The following UTP25 variants were observed in gnomAD, a reference collection of about 807,000 sequenced individuals.
The protein encoded by UTP25 is UTP25 small subunit processome component.
Under a neutral mutation model 78.9 loss-of-function variants are expected in UTP25, and 50 were observed. The observed-to-expected ratio is 0.63, with a 90% CI of 0.50 to 0.80. The LOEUF (loss-of-function observed/expected upper bound fraction) is 0.80. Ranked by LOEUF, UTP25 falls within the 30% of genes least tolerant of loss-of-function variation. UTP25 has a pLI of 0.00. For synonymous variants in UTP25, 329 were observed against 336.5 expected (o/e 0.98, Z 0.24); for missense variants, 846 against 911.3 (o/e 0.93, Z 0.92).
intron 10 of UTP25, 165 bp from the exon 11 acceptor site, chr1:209,843,286 C>A: frequency 1.3e-6 from 1 of 777,766 alleles, no homozygotes; most frequent in Non-Finnish European, 2.0e-6. Flanking sequence ...GTGTGCTTAT[C>A]AAGTTTTATC....
At chr1:209,834,166 A>C (rs1385171714) in intron 4 of UTP25, among the ~76,000 whole-genome samples, 2 of 152,268 alleles carry the variant, frequency 1.3e-5, no homozygotes, top group Non-Finnish European at 2.9e-5. Flanking sequence ...AGGAAACATT[A>C]GGAAGCTTGA....
rs1254960780 is a variant in UTP25, at chr1:209,837,061, A to G, written c.912A>G (p.Glu304=). ...AAAGGACTGCTCTGAAGAACGGGGA[A>G]GAGATCCGCCATGTGTATTGCCTGC... is the stretch of plus-strand genomic sequence containing the variant. The part of the protein sequence containing the change: ...YPERTALKNG[E]EIRHVYCLHV... The change falls in exon 6 of 12, where the codon GAA becomes GAG. Residue 304 remains glutamate, a synonymous_variant. Transcript: ENST00000491415. 6.2e-7 allele frequency: 1 copy of G among 1,614,122 alleles called. No homozygotes were observed. The highest frequency in any genetic ancestry group is 1.7e-5 in the Admixed American group (1 of 60,006).
Position 209,843,637 on chromosome 1 carries a change from C to A in UTP25, c.1968C>A (p.Phe656Leu). 1 of 1,614,190 alleles carries A rather than the reference C, an allele frequency of 6.2e-7. No homozygotes were observed. Among genetic ancestry groups the A allele is most frequent in the Non-Finnish European group, 8.5e-7 (1 of 1,180,016 alleles). ...CTGGTGTCTCCAGGGCCAGACACTT[C>A]TTCCTTCAAGGAGAGAAACAGTTTC... Reference protein sequence around the residue: ...QKSGVSRARHFFLQGEKQFLL... With the variant: ...QKSGVSRARHLFLQGEKQFLL... The change falls in exon 11 of 12, where the codon TTC (phenylalanine) becomes TTA (leucine). Residue 656 changes from phenylalanine to leucine, a missense_variant. Physicochemically the swap from Phe to Leu is conservative, Grantham distance 22 (BLOSUM62 0). Coordinates refer to ENST00000491415, the MANE Select transcript of UTP25 (RefSeq NM_014388.7).
chr1:209,850,971 ATTTT>A (rs2078228525), intron 11 of UTP25, among the ~76,000 whole-genome samples: 1 of 152,110 alleles, frequency 6.6e-6, no homozygotes, highest in Non-Finnish European at 1.5e-5. Flanking sequence ...ATGTGTATTT[ATTTT>A]ATCATTTTCT....
Position 209,836,861 on chromosome 1 carries a change from C to T in UTP25, c.712C>T (p.Pro238Ser), listed in dbSNP as rs1271149119. ...GTTTCAGAAGTTGGAAACATTTAAA[C>T]CCCCAAAGGATATTGACTTAAAGTC... ...SKFQKLETFK[P>S]PKDIDLKSLH... The change falls in exon 6 of 12, where the codon CCC becomes TCC. Residue 238 changes from proline to serine, a missense_variant. Transcript: ENST00000491415. 4.3e-6 allele frequency: 7 copies of T among 1,613,954 alleles called. No individual in the cohort carries two copies. The highest frequency in any genetic ancestry group is 5.9e-6 in the Non-Finnish European group (7 of 1,179,964).
At position 209,842,457 on chromosome 1, in the gene UTP25, C is replaced by T. The variant is rs1264121759; in HGVS notation, c.1668+10C>T. 8.7e-6 allele frequency: 14 copies of T among 1,613,960 alleles called. No homozygotes were observed. The highest frequency in any genetic ancestry group is 3.3e-5 in the South Asian group (3 of 91,066). The stretch of plus-strand genomic sequence containing the variant: ...CAACATGCAAGGCCAGGTGGGTTCT[C>T]GTCTTGTTTCCTCAGTATCTTCATG... On this transcript the variant is annotated intron_variant, in intron 9 of 11. Transcript: ENST00000491415.
chr1:209,843,810 G>T (rs887165794), intron 11 of UTP25, 114 bp downstream of exon 11: 11 of 1,380,388 alleles, frequency 8.0e-6, no homozygotes, highest in Non-Finnish European at 1.1e-5. Flanking sequence ...CCTCACTCTC[G>T]CACTCTTACA....
At chr1:209,849,122 A>T (rs2078214858) in intron 11 of UTP25, among the ~76,000 whole-genome samples, 2 of 152,076 alleles carry the variant, frequency 1.3e-5, no homozygotes. Flanking sequence ...CTTGCAAGGC[A>T]TGAAGTCGGG....
intron 6 of UTP25, among the ~76,000 whole-genome samples, chr1:209,838,100 C>T (rs2078144389): frequency 6.6e-6 from 1 of 152,196 alleles, no homozygotes; most frequent in Non-Finnish European, 1.5e-5. Flanking sequence ...GCTGAGTCCA[C>T]TGCACTCCTT....
chr1:209,834,993 A>G, intron 4 of UTP25, 82 bp from the exon 5 acceptor site: 1 of 1,087,720 alleles, frequency 9.2e-7, no homozygotes, highest in Non-Finnish European at 1.4e-6. Context: ...CACAATGAAG[A>G]TCAACATGTC....
intron 6 of UTP25, 100 bp downstream of exon 6, chr1:209,837,311 G>T: frequency 7.3e-7 from 1 of 1,366,838 alleles, no homozygotes; most frequent in South Asian, 1.4e-5. Flanking sequence ...TTTAATAATT[G>T]ACTGGCATAA....
rs767704570 is a variant in UTP25, at chr1:209,852,305, C to T, written c.*858C>T. On this transcript the variant is annotated 3_prime_UTR_variant, in exon 12 of 12. Coordinates refer to ENST00000491415, the MANE Select transcript of UTP25 (RefSeq NM_014388.7). ...AGAGTGAGTTGCCAACCCAGTGGGC[C>T]TATCACCTTTAAATACTTTAGTATA... 3 of 152,160 alleles carry T rather than the reference C, an allele frequency of 2.0e-5. No homozygotes were observed. The highest frequency in any genetic ancestry group is 4.4e-5 in the Non-Finnish European group (3 of 68,032). 9.4% of individuals were successfully genotyped at this position (152,160 alleles called of 1,614,324 possible).
intron 11 of UTP25, chr1:209,844,128 TAC>T (rs1467365535): frequency 1.8e-5 from 3 of 170,020 alleles, no homozygotes; most frequent in African/African-American, 7.1e-5. Flanking sequence ...GGAGGCTGAG[TAC>T]AGTGTCAGTT....
At position 209,853,575 on chromosome 1, in the gene UTP25, C is replaced by T. The variant is rs1268062057; in HGVS notation, c.*2128C>T. On this transcript the variant is annotated 3_prime_UTR_variant, in exon 12 of 12. Transcript: ENST00000491415. Reference sequence around the variant, plus strand: ...GTTTTGCCATGTTGGCCAGGCTGGTCTCAAACTCTTGACCTCAAGTGATCT... The same window carrying T: ...GTTTTGCCATGTTGGCCAGGCTGGTTTCAAACTCTTGACCTCAAGTGATCT... 3 of 152,246 alleles carry T rather than the reference C, an allele frequency of 2.0e-5. No individual in the cohort carries two copies. Among genetic ancestry groups the T allele is most frequent in the Non-Finnish European group, 1.5e-5 (1 of 68,088 alleles). The allele number at this position is 152,246 out of a possible 1,614,324, so 9.4% of individuals were successfully genotyped here. A position where few individuals can be genotyped will look rare whatever the true frequency, so the allele number is the denominator to read the frequency against.
Position 209,836,915 on chromosome 1 carries a change from A to G in UTP25, c.766A>G (p.Thr256Ala). The G allele has an allele frequency of 6.2e-7, 1 of 1,614,152 alleles. No homozygotes were observed. The highest frequency in any genetic ancestry group is 8.5e-7 in the Non-Finnish European group (1 of 1,180,014). ...TCATCTCCAGAAGCCTCTGGAATCC[A>G]CCTGGACTAAGACCAACAGCCAGTT... ...SLHLQKPLES[T>A]WTKTNSQFLS... Residue 256 changes from threonine (T) to alanine (A), a missense_variant, in exon 6 of 12, where the codon ACC becomes GCC. Transcript: ENST00000491415.
At position 209,830,952 on chromosome 1, in the gene UTP25, T is replaced by A. The variant is rs755907693; in HGVS notation, c.297T>A (p.Ile99=). 25 of 1,613,872 alleles carry A rather than the reference T, an allele frequency of 1.5e-5. 1 individual carries two copies. The Admixed American group carries it at 2.3e-4, about 15-fold the overall frequency. Residue 99 remains isoleucine, a synonymous_variant, in exon 3 of 12, where the codon ATT becomes ATA. Transcript: ENST00000491415. The part of the protein sequence containing the change: ...DEEEEEEEDS[I]VDDAEMNDED... ...AGGAGGAAGAGGAAGAAGACAGTAT[T>A]GTAGATGATGCAGAAATGAACGATG...
chr1:209,833,068 TA>T, intron 3 of UTP25, 116 bp from the exon 4 acceptor site: 1 of 996,992 alleles, frequency 1.0e-6, no homozygotes, highest in Non-Finnish European at 1.4e-6. Flanking sequence ...TGAATTTACC[TA>T]AATATAAATA....
At chr1:209,830,012 G>A (rs2078093844) in intron 1 of UTP25, 96 bp from the exon 2 acceptor site, 1 of 1,083,644 alleles carries the variant, frequency 9.2e-7, no homozygotes, top group South Asian at 1.4e-5. Context: ...TATTTATAAT[G>A]TTATATTCTG....
Position 209,856,460 on chromosome 1 carries a change from T to C in UTP25, c.*5013T>C, listed in dbSNP as rs1558060318. 1 of 152,172 alleles carries C rather than the reference T, an allele frequency of 6.6e-6. No homozygotes were observed. The highest frequency in any genetic ancestry group is 6.5e-5 in the Admixed American group (1 of 15,278). The allele number at this position is 152,172 out of a possible 1,614,324, so 9.4% of individuals were successfully genotyped here. On this transcript the variant is annotated 3_prime_UTR_variant, in exon 12 of 12. Coordinates refer to ENST00000491415, the MANE Select transcript of UTP25 (RefSeq NM_014388.7). ...CTTTTTCCTGCCTGGAACGCAGAAG[T>C]GATGGCTGAAGCTCCTGAGGCTATA...
Sources: gnomAD v4.1 joint callset for allele counts (sites outside exome capture counted in the v4.1 genomes callset) on GRCh38, gnomAD v4.1.1 for gene constraint, MANE v1.5 for transcripts, NCBI Gene and HGNC (gene_info 2026-07-23, HGNC 2026-07-21) for gene names.